MFAP3L: variants seen among roughly 807,000 people sequenced by gnomAD.
The protein encoded by MFAP3L is microfibril associated protein 3 like.
MFAP3L carries 5 observed loss-of-function variants against 20.0 expected under a neutral mutation model. That is an observed-to-expected ratio of 0.25 (90% confidence interval 0.13 to 0.53). The LOEUF is 0.53. MFAP3L is among the 20% of genes least tolerant of loss of function. MFAP3L has a pLI of 0.96. For missense variants in MFAP3L, 409 were observed against 527.5 expected (o/e 0.78, Z 2.20); for synonymous variants, 219 against 213.0 (o/e 1.03, Z -0.25).
Position 169,991,232 on chromosome 4 carries a change from C to G in MFAP3L, c.*146G>C. The G allele has an allele frequency of 1.3e-6, 1 of 799,240 alleles. No individual in the cohort carries two copies. 49.5% of individuals were successfully genotyped at this position (799,240 alleles called of 1,614,324 possible). On this transcript the variant is annotated 3_prime_UTR_variant, in exon 3 of 3. Transcript: ENST00000361618. This position sits in a 1 kb window ranked among gnomAD's most constrained non-coding sequence, Gnocchi z 4.9. ...AAATTCCAGTCCCATTCACTGCAGG[C>G]AGGTGTTTCTCCTTTTAAAGTGGCA...
At chr4:169,997,628 G>T in intron 2 of MFAP3L, 1 of 775,346 alleles carries the variant, frequency 1.3e-6, no homozygotes, top group Non-Finnish European at 1.6e-6. Context: ...TCAACTCTCA[G>T]GTTGCCAGAA....
upstream of MFAP3L, chr4:170,027,275 G>A (rs1730512089): frequency 6.7e-6 from 1 of 148,794 alleles, no homozygotes; most frequent in Non-Finnish European, 1.5e-5. Flanking sequence ...CAATTTCTGG[G>A]GCGGGACCAG....
At chr4:170,005,523 G>T in intron 2 of MFAP3L, 57 bp downstream of exon 2, 1 of 1,542,754 alleles carries the variant, frequency 6.5e-7, no homozygotes, top group Non-Finnish European at 8.9e-7. Flanking sequence ...ACGGGTGCTG[G>T]CTCCAAAGCT....
rs546173680 is a variant in MFAP3L at position 170,024,129 on chromosome 4, TC to T, written c.-134+2104del. Among the ~76,000 whole-genome samples the T allele has an allele frequency of 1.4e-4, 21 of 152,348 alleles. No individual in the cohort carries two copies. The East Asian group carries it at 4.0e-3, about 29-fold the overall frequency. On this transcript the variant is annotated intron_variant, in intron 1 of 2. Coordinates refer to ENST00000361618, the MANE Select transcript of MFAP3L (RefSeq NM_021647.8). Reference sequence around the variant, plus strand: ...ATGCCTACAAAGTCTATTTTTTTCTTCATGAGCAGTAATAAAACCCCTTTTC... The same window carrying T: ...ATGCCTACAAAGTCTATTTTTTTCTTATGAGCAGTAATAAAACCCCTTTTC...
At chr4:170,010,697 T>C (rs1428517127) in intron 1 of MFAP3L, among the ~76,000 whole-genome samples, 1 of 152,180 alleles carries the variant, frequency 6.6e-6, no homozygotes, top group African/African-American at 2.4e-5. Context: ...GCATACAAAA[T>C]ATGTGTTAAT....
intron 1 of MFAP3L, among the ~76,000 whole-genome samples, chr4:170,010,298 G>A (rs1469916019): frequency 4.6e-5 from 7 of 151,754 alleles, no homozygotes; most frequent in South Asian, 2.1e-4. Context: ...TTTCTTTTGC[G>A]ATTAAAAAAA....
In MFAP3L at chr4:169,989,706, C is replaced by A. The variant is rs1581433131; in HGVS notation, c.*1672G>T. 1 of 152,198 alleles carries A rather than the reference C, an allele frequency of 6.6e-6. No individual in the cohort carries two copies. The highest frequency in any genetic ancestry group is 1.5e-5 in the Non-Finnish European group (1 of 68,026). The allele number at this position is 152,198 out of a possible 1,614,324, so 9.4% of individuals were successfully genotyped here. On this transcript the variant is annotated 3_prime_UTR_variant, in exon 3 of 3. Coordinates refer to ENST00000361618, the MANE Select transcript of MFAP3L (RefSeq NM_021647.8). Reference sequence around the variant, plus strand: ...GGTCTGCTCTCATCACCAATGTGATCCATGCAATCTTGGACATCATAACCC... The same window carrying A: ...GGTCTGCTCTCATCACCAATGTGATACATGCAATCTTGGACATCATAACCC...
chr4:170,005,342 C>T, intron 2 of MFAP3L: 1 of 560,722 alleles, frequency 1.8e-6, no homozygotes, highest in Non-Finnish European at 3.1e-6. Flanking sequence ...TACAAAATTC[C>T]AAGAAGCCTT....
intron 1 of MFAP3L, among the ~76,000 whole-genome samples, chr4:170,007,181 C>T (rs1739092913): frequency 6.6e-6 from 1 of 152,074 alleles, no homozygotes; most frequent in Admixed American, 6.5e-5. Flanking sequence ...TTTTGTTTTG[C>T]CATAGATTTC....
intron 2 of MFAP3L, chr4:170,001,871 G>T: frequency 1.0e-6 from 1 of 959,952 alleles, no homozygotes; most frequent in Non-Finnish European, 1.2e-6. Context: ...CACCAGGCAA[G>T]CAAAGCAAAC....
chr4:170,004,354 T>A (rs1209824307), intron 2 of MFAP3L, among the ~76,000 whole-genome samples: 2 of 152,334 alleles, frequency 1.3e-5, no homozygotes, highest in East Asian at 3.9e-4. Context: ...CCACAATTCC[T>A]CTTGGTGGGT....
In MFAP3L at chr4:170,005,709, T is replaced by C. The variant is rs1738984997; in HGVS notation, c.169A>G (p.Ile57Val). 1 of 1,614,226 alleles carries C rather than the reference T, an allele frequency of 6.2e-7. No homozygotes were observed. The highest frequency in any genetic ancestry group is 1.1e-5 in the South Asian group (1 of 91,082). The change falls in exon 2 of 3, where the codon ATA becomes GTA. Residue 57 changes from isoleucine (I) to valine (V), a missense_variant. Physicochemically the swap from Ile to Val is conservative, Grantham distance 29. Transcript: ENST00000361618. ...PVIIARTDHI[I>V]VKEGNSALIN... ...AAGGCACTGTTCCCTTCCTTGACTA[T>C]GATATGGTCAGTTCTGGCAATGATT... is the stretch of plus-strand genomic sequence containing the variant.
chr4:170,027,172 C>A (rs139499608), upstream of MFAP3L: 1 of 150,680 alleles, frequency 6.6e-6, no homozygotes, highest in African/African-American at 2.4e-5. Context: ...ACAGAAGTTT[C>A]GCTACACGAT....
intron 2 of MFAP3L, among the ~76,000 whole-genome samples, chr4:169,993,975 T>C (rs949672170): frequency 1.3e-5 from 2 of 152,222 alleles, no homozygotes; most frequent in Non-Finnish European, 2.9e-5. Context: ...AACATAAATT[T>C]TGATATTTCA....
At position 169,997,694 on chromosome 4, in the gene MFAP3L, G is replaced by A. The variant is rs1738281418; in HGVS notation, c.299-5385C>T. 3 of 984,858 alleles carry A rather than the reference G, an allele frequency of 3.0e-6. No individual in the cohort carries two copies. The South Asian group carries it at 1.4e-4, about 46-fold the overall frequency. The allele number at this position is 984,858 out of a possible 1,614,324, so 61.0% of individuals were successfully genotyped here. ...AGTGGAAAGTGACGGCTGCCTGGCT[G>A]GGTAGGTATAAGGGGCAGGCCCGGT... On this transcript the variant is annotated intron_variant, in intron 2 of 2. Coordinates refer to ENST00000361618, the MANE Select transcript of MFAP3L (RefSeq NM_021647.8).
intron 2 of MFAP3L, among the ~76,000 whole-genome samples, chr4:169,999,656 T>C (rs773380502): frequency 2.0e-5 from 3 of 152,222 alleles, no homozygotes; most frequent in Non-Finnish European, 2.9e-5. Context: ...GTCTTTTCAC[T>C]GCTAAGACTA....
chr4:170,005,103 C>G (rs2110998973), intron 2 of MFAP3L: 1 of 158,624 alleles, frequency 6.3e-6, no homozygotes, highest in African/African-American at 2.4e-5. Flanking sequence ...GCAGCCAGGT[C>G]TCCAGGAATC....
At chr4:169,993,303 C>T (rs989986693) in intron 2 of MFAP3L, among the ~76,000 whole-genome samples, 2 of 152,114 alleles carry the variant, frequency 1.3e-5, no homozygotes, top group African/African-American at 4.8e-5. Context: ...ATGAAGATCC[C>T]AGTTAGGCTT....
chr4:170,023,009 G>A (rs6831419), intron 1 of MFAP3L, among the ~76,000 whole-genome samples: 1 of 152,168 alleles, frequency 6.6e-6, no homozygotes, highest in African/African-American at 2.4e-5. Flanking sequence ...GACACCTTTG[G>A]TGGGGGGCAT....
Sources: allele counts gnomAD v4.1 joint callset (sites outside exome capture counted in the v4.1 genomes callset), GRCh38; gene constraint gnomAD v4.1.1; non-coding constraint Gnocchi (gnomAD v3.1); transcripts MANE v1.5; gene names NCBI Gene and HGNC (gene_info 2026-07-23, HGNC 2026-07-21).